The following UNC13B variants were observed in gnomAD, a reference collection of about 807,000 sequenced individuals.
UNC13B encodes protein unc-13 homolog B.
In UNC13B, 144 loss-of-function variants were observed where a neutral mutation model predicts 211.0. The ratio of observed to expected loss-of-function variants is 0.68; its 90% CI spans 0.60 to 0.78. UNC13B has a LOEUF of 0.78. UNC13B is among the 30% of genes least tolerant of loss of function. The probability of loss-of-function intolerance (pLI) is 0.00; values close to 1 mark genes in which losing one functional copy is unlikely to be tolerated. For missense variants in UNC13B, 1,777 were observed against 2,002.0 expected, an observed-to-expected ratio of 0.89 and a Z score of 2.14; for synonymous variants, 709 against 725.8, an observed-to-expected ratio of 0.98 and a Z score of 0.37.
At chr9:35,311,058 T>G (rs2131862725) in intron 10 of UNC13B, among the ~76,000 whole-genome samples, 1 of 152,296 alleles carries the variant, frequency 6.6e-6, no homozygotes, top group East Asian at 1.9e-4. Flanking sequence ...CACTGCAGCC[T>G]CAACAGCCTG....
intron 3 of UNC13B, 118 bp from the exon 4 acceptor site, chr9:35,236,351 A>G (rs1254328009): frequency 9.6e-6 from 8 of 829,408 alleles, no homozygotes; most frequent in Middle Eastern, 2.8e-4. Context: ...GGAAATTTTG[A>G]TTTTTCCTGA....
chr9:35,393,778 G>T (rs747701629), intron 26 of UNC13B, among the ~76,000 whole-genome samples: 26 of 151,828 alleles, frequency 1.7e-4, no homozygotes, highest in Non-Finnish European at 3.4e-4. Flanking sequence ...CACCATGTTG[G>T]CCAGTCTGGT....
In UNC13B at chr9:35,237,798, G is replaced by T. The variant is rs1284694982; in HGVS notation, c.366G>T (p.Leu122Phe). Reference sequence around the variant, plus strand: ...GAAACCCAACTCCTCATAAAATTTTGCTTGATACAAGATTTGAGTTGCCTT... The same window carrying T: ...GAAACCCAACTCCTCATAAAATTTTTCTTGATACAAGATTTGAGTTGCCTT... ...GTRNPTPHKI[L>F]LDTRFELPFD... The change falls in exon 5 of 40, where the codon TTG becomes TTT. Residue 122 changes from leucine (L) to phenylalanine (F), a missense_variant. Coordinates refer to ENST00000635942, the MANE Select transcript of UNC13B (RefSeq NM_001371189.2). The T allele has an allele frequency of 1.2e-6, 2 of 1,613,262 alleles. No individual in the cohort carries two copies. Among genetic ancestry groups the T allele is most frequent in the Non-Finnish European group, 8.5e-7 (1 of 1,179,818 alleles).
rs775518641 is a variant in UNC13B at position 35,397,340 on chromosome 9, C to T, written c.11676+30C>T. 4 of 1,609,316 alleles carry T rather than the reference C, an allele frequency of 2.5e-6. No individual in the cohort carries two copies. In the East Asian group the frequency reaches 8.9e-5, roughly 36 times the overall value. ...CCATAACTCTTCCTACTCCCTCCCC[C>T]TTACCACCACCACACTCACAGTCTC... On this transcript the variant is annotated intron_variant, in intron 29 of 39. Coordinates refer to ENST00000635942, the MANE Select transcript of UNC13B (RefSeq NM_001371189.2).
At chr9:35,380,675 GGAAAGCAT>G in intron 18 of UNC13B, 36 bp downstream of exon 18, 4 of 1,613,424 alleles carry the variant, frequency 2.5e-6, no homozygotes, top group Non-Finnish European at 3.4e-6. Flanking sequence ...TGCTTGGAAG[GGAAAGCAT>G]GAAGGGGACC....
chr9:35,243,227 TCTGCTGATGATTTATTAC>T, intron 5 of UNC13B, 46 bp from the exon 6 acceptor site: 1 of 1,500,964 alleles, frequency 6.7e-7, no homozygotes, highest in Non-Finnish European at 9.2e-7. Context: ...TAAAGTGTTA[TCTGCTGATGATTTATTAC>T]CTGCTGATGT....
chr9:35,405,238 T>A lies in UNC13B; in HGVS notation c.*1205T>A, dbSNP rs1836602500. On this transcript the variant is annotated 3_prime_UTR_variant, in exon 40 of 40. Transcript: ENST00000635942. ...GTCCACAGATGTACTGGCCATTACA[T>A]GAAACAAGAAACCAAGCATCTTTGC... 6.6e-6 allele frequency: 1 copy of A among 152,642 alleles called. No homozygotes were observed. The highest frequency in any genetic ancestry group is 1.5e-5 in the Non-Finnish European group (1 of 68,056). 9.5% of individuals were successfully genotyped at this position (152,642 alleles called of 1,614,324 possible).
chr9:35,372,395 C>G (rs1338562300), intron 13 of UNC13B, among the ~76,000 whole-genome samples: 1 of 152,272 alleles, frequency 6.6e-6, no homozygotes, highest in Non-Finnish European at 1.5e-5. Flanking sequence ...TTTAGGAAAC[C>G]ATGTGCCTCT....
intron 15 of UNC13B, among the ~76,000 whole-genome samples, 156 bp downstream of exon 15, chr9:35,376,403 A>C (rs1834414399): frequency 6.6e-6 from 1 of 152,222 alleles, no homozygotes; most frequent in Non-Finnish European, 1.5e-5. Flanking sequence ...TTCTGAATCA[A>C]GGGGCATTGC....
chr9:35,188,206 C>T (rs940576945), intron 1 of UNC13B, among the ~76,000 whole-genome samples: 2 of 152,202 alleles, frequency 1.3e-5, no homozygotes, highest in African/African-American at 4.8e-5. Context: ...GTGTTACAAT[C>T]TTTAAAGCTA....
intron 1 of UNC13B, among the ~76,000 whole-genome samples, chr9:35,163,885 TTTGAATAGAGA>T (rs1820900602): frequency 6.6e-6 from 1 of 152,236 alleles, no homozygotes; most frequent in Non-Finnish European, 1.5e-5. Context: ...CCATTGTCTT[TTTGAATAGAGA>T]TCTAGAAGAT....
chr9:35,398,190 C>A (rs979588581), intron 30 of UNC13B, 21 bp from the exon 31 acceptor site: 1 of 1,608,472 alleles, frequency 6.2e-7, no homozygotes, highest in Non-Finnish European at 8.5e-7. Flanking sequence ...CAAGACTCAA[C>A]AGCTACATCT....
rs563885963 is a variant in UNC13B, at chr9:35,330,510, T to C, written c.9414+16521T>C. The stretch of plus-strand genomic sequence containing the variant: ...CAGGGTTGCTAGGGTAACTTATCTA[T>C]GGATGACTCCAATGAGGCTATTTGG... On this transcript the variant is annotated intron_variant, in intron 11 of 39. Transcript: ENST00000635942. Among the ~76,000 whole-genome samples the C allele has an allele frequency of 5.9e-5, 9 of 152,244 alleles. No individual in the cohort carries two copies. The South Asian group carries it at 1.7e-3, about 28-fold the overall frequency.
At chr9:35,163,908 T>G (rs192189949) in intron 1 of UNC13B, among the ~76,000 whole-genome samples, 1 of 152,344 alleles carries the variant, frequency 6.6e-6, no homozygotes, top group East Asian at 1.9e-4. Flanking sequence ...CTAGAAGATT[T>G]TAAATACTGA....
chr9:35,221,597 A>G (rs1824568349), intron 1 of UNC13B, among the ~76,000 whole-genome samples: 1 of 152,058 alleles, frequency 6.6e-6, no homozygotes, highest in Non-Finnish European at 1.5e-5. Flanking sequence ...ATGTGATCCT[A>G]TTTGTCCATT....
chr9:35,195,045 A>T (rs1475461407), intron 1 of UNC13B, among the ~76,000 whole-genome samples: 1 of 149,858 alleles, frequency 6.7e-6, no homozygotes, highest in African/African-American at 2.5e-5. Flanking sequence ...TGAGCTTTAC[A>T]TAGTACTCAG....
intron 10 of UNC13B, among the ~76,000 whole-genome samples, 188 bp from the exon 11 acceptor site, chr9:35,313,711 G>A (rs997196342): frequency 6.6e-5 from 10 of 151,974 alleles, no homozygotes; most frequent in African/African-American, 1.9e-4. Flanking sequence ...AGGAGTTATC[G>A]TTTTAGAGAG....
intron 38 of UNC13B, 77 bp from the exon 39 acceptor site, chr9:35,403,363 C>A: frequency 6.2e-7 from 1 of 1,603,310 alleles, no homozygotes. Flanking sequence ...AGCCCTCCTC[C>A]AAGGGGAAGG....
At chr9:35,201,096 T>C (rs1253703330) in intron 1 of UNC13B, among the ~76,000 whole-genome samples, 1 of 151,962 alleles carries the variant, frequency 6.6e-6, no homozygotes, top group Non-Finnish European at 1.5e-5. Flanking sequence ...GAGATAATCA[T>C]GTGGTTTTTG....
Sources: gnomAD v4.1 joint callset for allele counts (sites outside exome capture counted in the v4.1 genomes callset) on GRCh38, gnomAD v4.1.1 for gene constraint, MANE v1.5 for transcripts, NCBI Gene and HGNC (gene_info 2026-07-23, HGNC 2026-07-21) for gene names.